Variants in TAF3 observed in about 807,000 individuals in gnomAD.
The protein encoded by TAF3 is TATA-box binding protein associated factor 3, also known as transcription initiation factor TFIID subunit 3.
TAF3 carries 7 observed loss-of-function variants against 80.6 expected under a neutral mutation model. The observed-to-expected ratio is 0.09, with a 90% CI of 0.05 to 0.16. The LOEUF is 0.16. Ranked by LOEUF, TAF3 falls within the 10% of genes least tolerant of loss-of-function variation. The probability of loss-of-function intolerance (pLI) is 1.00; values close to 1 mark genes in which losing one functional copy is unlikely to be tolerated. For missense variants in TAF3, 921 were observed against 1,140.2 expected (o/e 0.81, Z 2.77); for synonymous variants, 444 against 446.1 (o/e 1.00, Z 0.06).
chr10:7,965,006 C>T lies in TAF3; in HGVS notation c.1496C>T (p.Pro499Leu). ...TATATCTCTTCTCCGTCAGTGTCTCCTCCCACTCCCGAACCTCTCCACAAG... is the reference window on the plus strand; with the variant it reads ...TATATCTCTTCTCCGTCAGTGTCTCTTCCCACTCCCGAACCTCTCCACAAG... ...FPYISSPSVS[P>L]PTPEPLHKVY... The change falls in exon 3 of 7, where the codon CCT becomes CTT. Residue 499 changes from proline (P) to leucine (L), a missense_variant. Transcript: ENST00000344293. 6.2e-7 allele frequency: 1 copy of T among 1,614,058 alleles called. No homozygotes were observed. The highest frequency in any genetic ancestry group is 8.5e-7 in the Non-Finnish European group (1 of 1,180,024).
intron 1 of TAF3, among the ~76,000 whole-genome samples, chr10:7,820,222 A>G (rs1393923378): frequency 6.6e-6 from 1 of 152,194 alleles, no homozygotes; most frequent in Non-Finnish European, 1.5e-5. Flanking sequence ...AACTCATGTT[A>G]TCTGCTTTCA....
At chr10:7,827,073 C>A (rs1034686320) in intron 2 of TAF3, among the ~76,000 whole-genome samples, 7 of 152,132 alleles carry the variant, frequency 4.6e-5, no homozygotes, top group African/African-American at 1.7e-4. Context: ...CAGCTTGGTT[C>A]ATGTCAAAAA....
intron 2 of TAF3, among the ~76,000 whole-genome samples, chr10:7,904,840 G>T (rs1837592456): frequency 6.6e-6 from 1 of 152,108 alleles, no homozygotes; most frequent in African/African-American, 2.4e-5. Context: ...ACCGTAACTG[G>T]CTGAGCTCAT....
chr10:7,953,789 A>AGTGG (rs1564370358), intron 2 of TAF3, among the ~76,000 whole-genome samples: 18 of 152,278 alleles, frequency 1.2e-4, no homozygotes, highest in African/African-American at 4.3e-4. Context: ...CAAATGAATG[A>AGTGG]ATTAGTCCTA....
intron 2 of TAF3, among the ~76,000 whole-genome samples, chr10:7,826,726 A>G (rs1244359934): frequency 6.6e-6 from 1 of 152,246 alleles, no homozygotes; most frequent in Non-Finnish European, 1.5e-5. Flanking sequence ...GGTAGGCAGT[A>G]CAGTAAGATG....
rs1459932249 is a variant in TAF3, at chr10:7,906,143, CTT to C, written c.410-57776_410-57775del. On this transcript the variant is annotated intron_variant, in intron 2 of 6. Coordinates refer to ENST00000344293, the MANE Select transcript of TAF3 (RefSeq NM_031923.4). ...AGAATATATATGTGATATTTCATCTCTTGTCCAATTCCTCTTTCTCCTCCAAC... is the reference window on the plus strand; with the variant it reads ...AGAATATATATGTGATATTTCATCTCGTCCAATTCCTCTTTCTCCTCCAAC... 3.3e-5 allele frequency among the ~76,000 whole-genome samples: 5 copies of C among 152,316 alleles called. No individual in the cohort carries two copies. In the East Asian group the frequency reaches 9.6e-4, roughly 29 times the overall value.
At chr10:7,962,885 G>T (rs545258127) in intron 2 of TAF3, among the ~76,000 whole-genome samples, 1 of 152,174 alleles carries the variant, frequency 6.6e-6, no homozygotes, top group South Asian at 2.1e-4. Flanking sequence ...CTTTATCATT[G>T]TACATTATAT....
At chr10:7,889,733 G>A (rs1372378967) in intron 2 of TAF3, among the ~76,000 whole-genome samples, 3 of 152,114 alleles carry the variant, frequency 2.0e-5, no homozygotes, top group African/African-American at 4.8e-5. Context: ...TCCCTATCTT[G>A]TGAAATAGCC....
Position 7,884,105 on chromosome 10 carries a change from C to T in TAF3, c.409+59545C>T, listed in dbSNP as rs951817313. 6.3e-4 allele frequency among the ~76,000 whole-genome samples: 96 copies of T among 152,144 alleles called. 6 individuals carry two copies. Among genetic ancestry groups the T allele is most frequent in the East Asian group, 1.9e-4 (1 of 5,184 alleles). ...TGACCCAGTCACTTGTCAACTGCCC[C>T]GCCTCTCAATACTGCCACACTGGGG... On this transcript the variant is annotated intron_variant, in intron 2 of 6. Coordinates refer to ENST00000344293, the MANE Select transcript of TAF3 (RefSeq NM_031923.4).
At chr10:7,835,859 T>C (rs1054104921) in intron 2 of TAF3, among the ~76,000 whole-genome samples, 2 of 152,212 alleles carry the variant, frequency 1.3e-5, no homozygotes, top group Non-Finnish European at 1.5e-5. Context: ...ATTTTGGCAC[T>C]GATGGGTGTA....
chr10:7,871,213 C>CA (rs1837261876), intron 2 of TAF3, among the ~76,000 whole-genome samples: 1 of 151,920 alleles, frequency 6.6e-6, no homozygotes, highest in Admixed American at 6.6e-5. Context: ...TCTTGTAAAT[C>CA]AGACTTGCAT....
At chr10:7,886,812 A>G (rs576266007) in intron 2 of TAF3, among the ~76,000 whole-genome samples, 1 of 152,376 alleles carries the variant, frequency 6.6e-6, no homozygotes, top group East Asian at 1.9e-4. Context: ...TTCAGGAAGC[A>G]AAACTTATGC....
chr10:7,963,020 C>T (rs895597156), intron 2 of TAF3, among the ~76,000 whole-genome samples: 1 of 152,122 alleles, frequency 6.6e-6, no homozygotes, highest in Non-Finnish European at 1.5e-5. Flanking sequence ...TTGAGAGAGT[C>T]CCTAAGGCTG....
At chr10:7,985,831 T>C (rs1218645502) in intron 4 of TAF3, among the ~76,000 whole-genome samples, 2 of 148,118 alleles carry the variant, frequency 1.4e-5, no homozygotes, top group Non-Finnish European at 3.0e-5. Flanking sequence ...TGGCCCAGGC[T>C]GAAGTGCAGT....
At chr10:7,916,316 T>C (rs910644636) in intron 2 of TAF3, among the ~76,000 whole-genome samples, 4 of 152,228 alleles carry the variant, frequency 2.6e-5, no homozygotes, top group African/African-American at 7.2e-5. Context: ...AGCTGTCTTA[T>C]ACAAAAGTAG....
At chr10:7,998,722 C>A (rs1275471436) in intron 4 of TAF3, among the ~76,000 whole-genome samples, 2 of 151,850 alleles carry the variant, frequency 1.3e-5, no homozygotes, top group East Asian at 3.9e-4. Context: ...GCCCTCAATC[C>A]CAGCTACTCA....
chr10:8,004,973 C>A (rs914231377), intron 4 of TAF3, among the ~76,000 whole-genome samples: 5 of 152,050 alleles, frequency 3.3e-5, no homozygotes, highest in Admixed American at 3.3e-4. Context: ...TTTATTTTGT[C>A]CTAATACTCA....
chr10:8,014,611 T>G, intron 6 of TAF3, 26 bp from the exon 7 acceptor site: 1 of 1,595,808 alleles, frequency 6.3e-7, no homozygotes, highest in Non-Finnish European at 8.5e-7. Flanking sequence ...TAAAAGTTGC[T>G]TATCTGAGCT....
At chr10:7,879,606 TTG>T (rs1837341446) in intron 2 of TAF3, among the ~76,000 whole-genome samples, 1 of 152,208 alleles carries the variant, frequency 6.6e-6, no homozygotes. Flanking sequence ...CCGGCTCTTT[TTG>T]TAAGACAATT....
Sources: allele counts gnomAD v4.1 joint callset (sites outside exome capture counted in the v4.1 genomes callset), GRCh38; gene constraint gnomAD v4.1.1; transcripts MANE v1.5; gene names NCBI Gene and HGNC (gene_info 2026-07-23, HGNC 2026-07-21).